The following NHSL2 variants were observed in gnomAD, a reference collection of about 807,000 sequenced individuals.
The protein encoded by NHSL2 is NHS-like protein 2.
In NHSL2, 27 loss-of-function variants were observed where a neutral mutation model predicts 53.4. The ratio of observed to expected loss-of-function variants is 0.51; its 90% CI spans 0.37 to 0.70. The LOEUF (loss-of-function observed/expected upper bound fraction) is 0.70. Ranked by LOEUF, NHSL2 falls within the 30% of genes least tolerant of loss-of-function variation. The probability of loss-of-function intolerance (pLI) is 0.00; values close to 1 mark genes in which losing one functional copy is unlikely to be tolerated. For synonymous variants in NHSL2, 408 were observed against 404.1 expected (o/e 1.01, Z -0.12); for missense variants, 892 against 980.1 (o/e 0.91, Z 1.20).
At chrX:71,951,039 C>CACACACACACAA (rs1224072950) in intron 1 of NHSL2, among the ~76,000 whole-genome samples, 1 of 109,313 alleles carries the variant, frequency 9.1e-6, no homozygotes, top group Non-Finnish European at 1.9e-5. Flanking sequence ...CACACACACA[C>CACACACACACAA]AAATACCTGG....
At chrX:72,113,094 G>A (rs998130976) in intron 1 of NHSL2, among the ~76,000 whole-genome samples, 2 of 111,731 alleles carry the variant, frequency 1.8e-5, no homozygotes, top group African/African-American at 6.5e-5. Context: ...CATTTCTGTG[G>A]GCTGCCTTTT....
intron 1 of NHSL2, among the ~76,000 whole-genome samples, chrX:72,068,913 G>A (rs1359958385): frequency 8.9e-6 from 1 of 112,199 alleles, no homozygotes; most frequent in Non-Finnish European, 1.9e-5. Context: ...GTGGCATCTG[G>A]CTGTGCTAGC....
At chrX:72,095,572 T>A (rs1339716845) in intron 1 of NHSL2, among the ~76,000 whole-genome samples, 1 of 112,456 alleles carries the variant, frequency 8.9e-6, no homozygotes, top group Non-Finnish European at 1.9e-5. Flanking sequence ...CCTCCCGGGC[T>A]GGTTGGCAGG....
chrX:71,951,981 A>G (rs1411201365), intron 1 of NHSL2, among the ~76,000 whole-genome samples: 3 of 112,167 alleles, frequency 2.7e-5, no homozygotes, highest in Non-Finnish European at 5.6e-5. Context: ...GAAAAGATTC[A>G]GGGAATGGAG....
intron 1 of NHSL2, among the ~76,000 whole-genome samples, chrX:72,001,642 C>T (rs1031208731): frequency 1.8e-5 from 2 of 111,526 alleles, no homozygotes; most frequent in African/African-American, 6.5e-5. Context: ...TTGCCCCTCC[C>T]CCCAGGAAGC....
chrX:71,934,465 C>T (rs775384234), intron 1 of NHSL2, among the ~76,000 whole-genome samples: 3 of 112,345 alleles, frequency 2.7e-5, no homozygotes, highest in East Asian at 5.6e-4. Flanking sequence ...TGGAACTGTC[C>T]GATGTGGATT....
chrX:72,129,477 G>A lies in NHSL2; in HGVS notation c.281-2602G>A, dbSNP rs548342817. 6.5e-5 allele frequency: 13 copies of A among 199,352 alleles called. No homozygotes were observed. In the South Asian group the frequency reaches 2.1e-3, roughly 32 times the overall value. The allele number at this position is 199,352 out of a possible 1,213,427, so 16.4% of individuals were successfully genotyped here. A position where few individuals can be genotyped will look rare whatever the true frequency, so the allele number is the denominator to read the frequency against. ...ACTGTAGAACATAGGGTGAAGAAAC[G>A]CAGGAGAGGTGAGGGTTAGGAACAA... On this transcript the variant is annotated intron_variant, in intron 1 of 7. Coordinates refer to ENST00000633930, the MANE Select transcript of NHSL2 (RefSeq NM_001013627.3).
intron 1 of NHSL2, chrX:72,129,954 G>A (rs190486391): frequency 2.5e-6 from 3 of 1,211,535 alleles, no homozygotes; most frequent in East Asian, 3.0e-5. Flanking sequence ...GAATCAGTTG[G>A]GGGGAGCTGT....
At chrX:71,932,309 C>T (rs952908856) in intron 1 of NHSL2, among the ~76,000 whole-genome samples, 3 of 109,306 alleles carry the variant, frequency 2.7e-5, no homozygotes, top group Admixed American at 9.9e-5. Flanking sequence ...TGCAAGGAGA[C>T]GAATTTGATG....
intron 6 of NHSL2, 122 bp downstream of exon 6, chrX:72,140,893 C>A: frequency 1.6e-6 from 1 of 621,899 alleles, no homozygotes; most frequent in Non-Finnish European, 2.4e-6. Flanking sequence ...CAGTAGCGGG[C>A]ACCCTTTGAG....
At chrX:72,107,604 C>T (rs954461913) in intron 1 of NHSL2, among the ~76,000 whole-genome samples, 11 of 111,965 alleles carry the variant, frequency 9.8e-5, no homozygotes, top group Middle Eastern at 9.1e-3. Context: ...CTCACCATCT[C>T]GTGGGGAGGA....
Position 72,139,605 on chromosome X carries a change from C to T in NHSL2, c.2057C>T (p.Thr686Ile). 1.7e-6 allele frequency: 2 copies of T among 1,210,807 alleles called. No individual in the cohort carries two copies. The highest frequency in any genetic ancestry group is 1.8e-5 in the South Asian group (1 of 56,926). ...TCACCTTCCACCTCCAGAGCCACTA[C>T]ACCTTCCCAACTCTCCATTGAAGTG... Reference protein sequence around the residue: ...LASPSTSRATTPSQLSIEVEA... With the variant: ...LASPSTSRATIPSQLSIEVEA... The change falls in exon 6 of 8, where the codon ACA becomes ATA. Residue 686 changes from threonine (T) to isoleucine (I), a missense_variant. Transcript: ENST00000633930.
In NHSL2 at chrX:72,153,182, A is replaced by C. The variant is rs893931517; in HGVS notation, c.*9608A>C. Reference sequence around the variant, plus strand: ...GGTTTTTCTTGTCTTTCTTTAAAAAAAAAAAGGCATTCCTTACTGGCTTGC... The same window carrying C: ...GGTTTTTCTTGTCTTTCTTTAAAAACAAAAAGGCATTCCTTACTGGCTTGC... On this transcript the variant is annotated 3_prime_UTR_variant, in exon 8 of 8. Coordinates refer to ENST00000633930, the MANE Select transcript of NHSL2 (RefSeq NM_001013627.3). 10 of 112,342 alleles carry C rather than the reference A, an allele frequency of 8.9e-5. No homozygotes were observed. The East Asian group carries it at 2.2e-3, about 25-fold the overall frequency. The allele number at this position is 112,342 out of a possible 1,213,427, so 9.3% of individuals were successfully genotyped here.
chrX:72,085,704 G>GTT (rs796666989), intron 1 of NHSL2, among the ~76,000 whole-genome samples: 151 of 82,646 alleles, frequency 1.8e-3, no homozygotes, highest in African/African-American at 3.1e-3. Flanking sequence ...GAAATTCTTT[G>GTT]TTTTTTTTTT....
At chrX:72,086,472 T>C (rs2041845495) in intron 1 of NHSL2, among the ~76,000 whole-genome samples, 1 of 111,120 alleles carries the variant, frequency 9.0e-6, no homozygotes, top group Non-Finnish European at 1.9e-5. Context: ...TCACTTGAGG[T>C]CAAGAGTTCA....
In NHSL2 at chrX:72,010,796, T is replaced by C. The variant is rs756063479; in HGVS notation, c.280+99429T>C. Among the ~76,000 whole-genome samples the C allele has an allele frequency of 1.8e-5, 2 of 112,102 alleles. 1 individual carries two copies. Among genetic ancestry groups the C allele is most frequent in the Admixed American group, 1.9e-4 (2 of 10,617 alleles). ...GTACCCTTCACCCAGTTTTCCTCAA[T>C]AATCACTTCTTGCAAAACTATAGTA... On this transcript the variant is annotated intron_variant, in intron 1 of 7. Transcript: ENST00000633930.
chrX:72,035,003 C>G (rs2042234261), intron 1 of NHSL2, among the ~76,000 whole-genome samples: 1 of 111,258 alleles, frequency 9.0e-6, no homozygotes, highest in Admixed American at 9.5e-5. Flanking sequence ...GATATGAAGC[C>G]TTTCTTCTTT....
intron 1 of NHSL2, among the ~76,000 whole-genome samples, chrX:71,992,661 C>A (rs959924569): frequency 3.6e-5 from 4 of 112,367 alleles, no homozygotes; most frequent in African/African-American, 1.3e-4. Context: ...TTGTTTCTTT[C>A]TGTTTTTGGT....
At chrX:72,000,709 A>G (rs745779374) in intron 1 of NHSL2, among the ~76,000 whole-genome samples, 18 of 111,379 alleles carry the variant, frequency 1.6e-4, no homozygotes, top group Non-Finnish European at 2.1e-4. Flanking sequence ...TTCTGCTTCT[A>G]TACATCTCCT....
Sources: allele counts gnomAD v4.1 joint callset (sites outside exome capture counted in the v4.1 genomes callset), GRCh38; gene constraint gnomAD v4.1.1; transcripts MANE v1.5; gene names NCBI Gene and HGNC (gene_info 2026-07-23, HGNC 2026-07-21).